ZAP70: variants seen among roughly 807,000 people sequenced by gnomAD.
ZAP70 encodes zeta chain of T cell receptor associated protein kinase 70.
In ZAP70, 27 loss-of-function variants were observed where a neutral mutation model predicts 65.8. That is an observed-to-expected ratio of 0.41 (90% confidence interval 0.30 to 0.57). The LOEUF is 0.57. Among genes scored for constraint, ZAP70 ranks in the 20% least tolerant of loss-of-function variants. ZAP70 has a pLI of 0.28. For missense variants in ZAP70, 696 were observed against 870.5 expected (o/e 0.80, Z 2.52); for synonymous variants, 363 against 360.8 (o/e 1.01, Z -0.07).
At chr2:97,740,201 G>A (rs1265875395), downstream of ZAP70, among the ~76,000 whole-genome samples, 3 of 152,170 alleles carry the variant, frequency 2.0e-5, no homozygotes, top group Admixed American at 6.5e-5. Flanking sequence ...CCATCCAGCT[G>A]GGGTCTTCAC....
In ZAP70 at chr2:97,739,391, G is replaced by A. The variant is rs200648080; in HGVS notation, c.1753G>A (p.Asp585Asn). 65 of 1,613,392 alleles carry A rather than the reference G, an allele frequency of 4.0e-5. No homozygotes were observed. The highest frequency in any genetic ancestry group is 1.8e-4 in the Admixed American group (11 of 60,004). The change falls in exon 14 of 14, where the codon GAC (aspartate) becomes AAC (asparagine). Residue 585 changes from aspartate (D) to asparagine (N), a missense_variant. Coordinates refer to ENST00000264972, the MANE Select transcript of ZAP70 (RefSeq NM_001079.4). ...CWIYKWEDRP[D>N]FLTVEQRMRA... ...GCCCCACAGGTGGGAGGATCGCCCCGACTTCCTGACCGTGGAGCAGCGCAT... is the reference window on the plus strand; with the variant it reads ...GCCCCACAGGTGGGAGGATCGCCCCAACTTCCTGACCGTGGAGCAGCGCAT...
intron 4 of ZAP70, chr2:97,732,601 T>TG: frequency 5.6e-6 from 3 of 531,528 alleles, no homozygotes; most frequent in East Asian, 6.7e-5. Flanking sequence ...GTGTCCACCG[T>TG]GGGGGGTCAG....
chr2:97,754,886 A>G, the ZAP70 span, among the ~76,000 whole-genome samples: 2 of 152,228 alleles, frequency 1.3e-5, no homozygotes, highest in African/African-American at 4.8e-5. Flanking sequence ...CCTACACACC[A>G]TAGCTCTGGT....
At chr2:97,752,913 G>T in the ZAP70 span, among the ~76,000 whole-genome samples, 1 of 152,226 alleles carries the variant, frequency 6.6e-6, no homozygotes, top group South Asian at 2.1e-4. Flanking sequence ...TTTGAAATAG[G>T]AACAAGTAAA....
At chr2:97,755,490 A>G in the ZAP70 span, among the ~76,000 whole-genome samples, 5 of 152,202 alleles carry the variant, frequency 3.3e-5, no homozygotes, top group South Asian at 2.1e-4. Flanking sequence ...GCTTTGGGGT[A>G]TAGCTGTATT....
downstream of ZAP70, among the ~76,000 whole-genome samples, chr2:97,742,402 T>C (rs999415778): frequency 5.9e-5 from 9 of 152,276 alleles, no homozygotes; most frequent in African/African-American, 2.2e-4. Flanking sequence ...ATGCCACCTC[T>C]TGCTGTGAAC....
At chr2:97,732,183 A>G (rs561693034) in intron 4 of ZAP70, among the ~76,000 whole-genome samples, 1 of 152,186 alleles carries the variant, frequency 6.6e-6, no homozygotes, top group Non-Finnish European at 1.5e-5. Context: ...ATATATTTAT[A>G]TTGACAAAAT....
At chr2:97,720,495 G>T (rs1188094613) in intron 2 of ZAP70, among the ~76,000 whole-genome samples, 1 of 150,644 alleles carries the variant, frequency 6.6e-6, no homozygotes. Context: ...CTCCCAAAGT[G>T]TGGGCCACCG....
chr2:97,748,898 C>T, the ZAP70 span, among the ~76,000 whole-genome samples: 2 of 152,188 alleles, frequency 1.3e-5, no homozygotes, highest in Non-Finnish European at 2.9e-5. Flanking sequence ...AGGCCATGAG[C>T]CCGGGGCTGA....
intron 8 of ZAP70, chr2:97,734,029 C>T (rs968105473): frequency 1.8e-5 from 5 of 283,668 alleles, no homozygotes; most frequent in African/African-American, 8.6e-5. Context: ...ACGATGGGCC[C>T]CAGAGCTCAC....
downstream of ZAP70, among the ~76,000 whole-genome samples, chr2:97,744,245 G>C (rs1678196970): frequency 6.6e-6 from 1 of 152,094 alleles, no homozygotes; most frequent in African/African-American, 2.4e-5. Context: ...GCATTCCCTG[G>C]ACACCTTCTT....
rs188296345 is a variant in ZAP70 at position 97,736,595 on chromosome 2, G to A, written c.1290-878G>A. Reference sequence around the variant, plus strand: ...CTAGAGCATGTGGGAAGATAGTGTGGTGGGCACAAGCCTGCCGCAGCTCCA... The same window carrying A: ...CTAGAGCATGTGGGAAGATAGTGTGATGGGCACAAGCCTGCCGCAGCTCCA... On this transcript the variant is annotated intron_variant, in intron 10 of 13. Transcript: ENST00000264972. The surrounding 1 kb of genome is among the most constrained non-coding windows in gnomAD (Gnocchi z 4.0). Among the ~76,000 whole-genome samples the A allele has an allele frequency of 6.6e-6, 1 of 152,350 alleles. No homozygotes were observed. Among genetic ancestry groups the A allele is most frequent in the East Asian group, 1.9e-4 (1 of 5,180 alleles).
At position 97,724,945 on chromosome 2, in the gene ZAP70, G is replaced by T. The variant is rs1677320369; in HGVS notation, c.403-147G>T. 5 of 1,534,342 alleles carry T rather than the reference G, an allele frequency of 3.3e-6. No homozygotes were observed. In the South Asian group the frequency reaches 4.8e-5, roughly 15 times the overall value. On this transcript the variant is annotated intron_variant, in intron 3 of 13. Transcript: ENST00000264972. ...TTGGGGAGGGGACCACGGAGATGGC[G>T]CGGAGGTAGTCCTCGAAAACCTGCC...
At chr2:97,749,597 A>G in the ZAP70 span, among the ~76,000 whole-genome samples, 6 of 152,190 alleles carry the variant, frequency 3.9e-5, no homozygotes, top group African/African-American at 1.4e-4. Context: ...AAGGATCCTG[A>G]ATGCATGAAA....
chr2:97,721,711 G>A (rs1420770371), intron 2 of ZAP70, among the ~76,000 whole-genome samples: 10 of 150,554 alleles, frequency 6.6e-5, no homozygotes, highest in Non-Finnish European at 7.4e-5. Context: ...GATTAGAGGC[G>A]TGAGCCACCG....
In ZAP70 at chr2:97,737,581, C is replaced by T. The variant is rs199873761; in HGVS notation, c.1398C>T (p.Asn466=). 4.3e-6 allele frequency: 7 copies of T among 1,614,030 alleles called. No individual in the cohort carries two copies. Among genetic ancestry groups the T allele is most frequent in the Admixed American group, 1.7e-5 (1 of 59,998 alleles). ...TGCACCGTGACCTGGCGGCCCGCAA[C>T]GTCCTGCTGGTTAACCGGCACTACG... is the stretch of plus-strand genomic sequence containing the variant. ...NFVHRDLAAR[N]VLLVNRHYAK... The change falls in exon 11 of 14, where the codon AAC becomes AAT. Residue 466 remains asparagine (N), a synonymous_variant. Transcript: ENST00000264972. The surrounding 1 kb of genome is among the most constrained non-coding windows in gnomAD (Gnocchi z 5.0).
downstream of ZAP70, among the ~76,000 whole-genome samples, chr2:97,743,387 G>A (rs1678175870): frequency 6.6e-6 from 1 of 152,214 alleles, no homozygotes; most frequent in Non-Finnish European, 1.5e-5. Context: ...CCAGGCTGGA[G>A]TGCAATGGCG....
At chr2:97,721,679 G>A (rs983360091) in intron 2 of ZAP70, among the ~76,000 whole-genome samples, 1 of 142,016 alleles carries the variant, frequency 7.0e-6, no homozygotes, top group East Asian at 2.2e-4. Flanking sequence ...TGATCCACCC[G>A]CCTCGGCCTC....
chr2:97,719,355 A>G (rs1677072668), intron 2 of ZAP70, among the ~76,000 whole-genome samples: 1 of 140,036 alleles, frequency 7.1e-6, no homozygotes. Flanking sequence ...GGGGTGGGGG[A>G]AGGAGAGTGA....
Sources: gnomAD v4.1 joint callset for allele counts (sites outside exome capture counted in the v4.1 genomes callset) on GRCh38, gnomAD v4.1.1 for gene constraint, Gnocchi (gnomAD v3.1) non-coding constraint, MANE v1.5 for transcripts, NCBI Gene and HGNC (gene_info 2026-07-23, HGNC 2026-07-21) for gene names.